RBFOX1: variants seen among roughly 807,000 people sequenced by gnomAD.
RBFOX1 encodes the protein RNA binding protein fox-1 homolog 1.
In RBFOX1, 8 loss-of-function variants were observed where a neutral mutation model predicts 57.7. The observed-to-expected ratio is 0.14, with a 90% confidence interval of 0.08 to 0.25. The LOEUF (loss-of-function observed/expected upper bound fraction) is 0.25. Among genes scored for constraint, RBFOX1 ranks in the 10% least tolerant of loss-of-function variants. The pLI, the probability that RBFOX1 is intolerant of heterozygous loss-of-function variation, is 1.00. For synonymous variants in RBFOX1, 326 were observed against 222.4 expected (o/e 1.47, Z -4.15); for missense variants, 611 against 548.5 (o/e 1.11, Z -1.14).
intron 4 of RBFOX1, among the ~76,000 whole-genome samples, chr16:7,502,523 G>A (rs2071301041): frequency 1.3e-5 from 2 of 152,182 alleles, no homozygotes; most frequent in African/African-American, 4.8e-5. Context: ...GCTTTGAAAA[G>A]GGGCTGAAGA....
chr16:7,556,052 A>C (rs1199178332), intron 5 of RBFOX1, among the ~76,000 whole-genome samples: 1 of 152,208 alleles, frequency 6.6e-6, no homozygotes, highest in African/African-American at 2.4e-5. Context: ...ATTAAATTTT[A>C]TACTACAAGA....
chr16:6,986,211 T>G (rs1356779021), intron 3 of RBFOX1, among the ~76,000 whole-genome samples: 1 of 151,740 alleles, frequency 6.6e-6, no homozygotes, highest in Non-Finnish European at 1.5e-5. Context: ...TTTATTTATT[T>G]ATTTTCTGAG....
chr16:7,693,496 T>A (rs1271155302), intron 14 of RBFOX1: 1 of 713,628 alleles, frequency 1.4e-6, no homozygotes. Flanking sequence ...AAAAAAGATC[T>A]TATATCTTTG....
chr16:7,201,289 C>A (rs530084481), intron 4 of RBFOX1, among the ~76,000 whole-genome samples: 69 of 152,156 alleles, frequency 4.5e-4, no homozygotes, highest in African/African-American at 1.7e-3. Flanking sequence ...CAACGGAGAG[C>A]CAGGTAGTAG....
At chr16:7,574,082 C>T (rs1456870113) in intron 5 of RBFOX1, among the ~76,000 whole-genome samples, 1 of 152,116 alleles carries the variant, frequency 6.6e-6, no homozygotes, top group Non-Finnish European at 1.5e-5. Flanking sequence ...GCTATAATGA[C>T]TTCTCAAGTT....
intron 4 of RBFOX1, among the ~76,000 whole-genome samples, chr16:5,882,967 GT>G (rs1025494439): frequency 1.3e-5 from 2 of 152,140 alleles, no homozygotes; most frequent in African/African-American, 4.8e-5. Context: ...GAACGTTGTT[GT>G]TGGCATTTTG....
chr16:7,490,335 A>AGCTCTATCAGG (rs1567468734), intron 4 of RBFOX1, among the ~76,000 whole-genome samples: 1 of 152,216 alleles, frequency 6.6e-6, no homozygotes, highest in Non-Finnish European at 1.5e-5. Flanking sequence ...GGGGAGGCTC[A>AGCTCTATCAGG]GCTCTATCAG....
intron 3 of RBFOX1, among the ~76,000 whole-genome samples, chr16:5,719,768 C>T (rs941293665): frequency 2.0e-5 from 3 of 152,180 alleles, no homozygotes; most frequent in East Asian, 3.9e-4. Context: ...CTGAATAATC[C>T]ATTGTATGGA....
intron 4 of RBFOX1, among the ~76,000 whole-genome samples, chr16:7,403,710 T>A (rs1428164622): frequency 6.6e-6 from 1 of 151,660 alleles, no homozygotes; most frequent in East Asian, 2.0e-4. Context: ...CTACTCCATG[T>A]GAATTTTGTA....
intron 1 of RBFOX1, among the ~76,000 whole-genome samples, chr16:5,364,722 A>G (rs2065659017): frequency 6.6e-6 from 1 of 152,206 alleles, no homozygotes; most frequent in Non-Finnish European, 1.5e-5. Flanking sequence ...CAAACAGTGA[A>G]TAGAACAAAG....
chr16:7,682,367 C>T (rs892320516), intron 14 of RBFOX1, among the ~76,000 whole-genome samples: 1 of 151,962 alleles, frequency 6.6e-6, no homozygotes, highest in Non-Finnish European at 1.5e-5. Flanking sequence ...CTTGGGGGTT[C>T]AGAAGGGATG....
chr16:5,680,444 G>C (rs1229426189), intron 3 of RBFOX1, among the ~76,000 whole-genome samples: 1 of 152,166 alleles, frequency 6.6e-6, no homozygotes, highest in Non-Finnish European at 1.5e-5. Flanking sequence ...GGACTCCACT[G>C]TATACCTGGA....
intron 4 of RBFOX1, among the ~76,000 whole-genome samples, chr16:7,336,885 G>T (rs1343960367): frequency 6.6e-6 from 1 of 152,174 alleles, no homozygotes; most frequent in Non-Finnish European, 1.5e-5. Context: ...GCTATTTATA[G>T]ACTTTCTTTA....
intron 5 of RBFOX1, among the ~76,000 whole-genome samples, chr16:7,552,380 CT>C (rs2086828138): frequency 6.6e-6 from 1 of 152,118 alleles, no homozygotes; most frequent in Non-Finnish European, 1.5e-5. Flanking sequence ...AGGCAAAGTA[CT>C]TCAGCACTGG....
intron 11 of RBFOX1, among the ~76,000 whole-genome samples, chr16:7,645,525 G>C (rs548688863): frequency 6.6e-6 from 1 of 152,294 alleles, no homozygotes; most frequent in Non-Finnish European, 1.5e-5. Context: ...AGCAGCTGCA[G>C]TTCAATGGAA....
intron 4 of RBFOX1, among the ~76,000 whole-genome samples, chr16:7,437,256 C>A (rs941612615): frequency 1.5e-5 from 2 of 133,978 alleles, no homozygotes; most frequent in African/African-American, 2.5e-5. Context: ...CTTTGCCCCC[C>A]CCCCCTTTCT....
At chr16:6,632,648 A>C (rs1297037696) in intron 2 of RBFOX1, among the ~76,000 whole-genome samples, 1 of 152,144 alleles carries the variant, frequency 6.6e-6, no homozygotes, top group Non-Finnish European at 1.5e-5. Flanking sequence ...TATTCCACTC[A>C]TGACACTGGG....
chr16:7,323,679 G>T (rs891029605), intron 4 of RBFOX1, among the ~76,000 whole-genome samples: 2 of 152,180 alleles, frequency 1.3e-5, no homozygotes, highest in African/African-American at 4.8e-5. Context: ...CTACTTCATA[G>T]GAATGAAGAG....
At chr16:6,214,425 A>T in intron 1 of RBFOX1, among the ~76,000 whole-genome samples, 1 of 136,962 alleles carries the variant, frequency 7.3e-6, no homozygotes, top group South Asian at 2.5e-4. Flanking sequence ...GGGGAGAGGG[A>T]GAGAGGGAGA....
Sources: gnomAD v4.1 joint callset for allele counts (sites outside exome capture counted in the v4.1 genomes callset) on GRCh38, gnomAD v4.1.1 for gene constraint, MANE v1.5 for transcripts, NCBI Gene and HGNC (gene_info 2026-07-23, HGNC 2026-07-21) for gene names.